Variants in TMEM244 observed in about 807,000 individuals in gnomAD.
TMEM244 encodes transmembrane protein 244.
TMEM244 carries 13 observed loss-of-function variants against 15.8 expected under a neutral mutation model. That is an observed-to-expected ratio of 0.82 (90% CI 0.53 to 1.30). The LOEUF (loss-of-function observed/expected upper bound fraction) is 1.30. TMEM244 is among the 50% of genes most tolerant of loss of function. The pLI is 0.00. For missense variants in TMEM244, 161 were observed against 144.9 expected (o/e 1.11, Z -0.57); for synonymous variants, 45 against 48.7 (o/e 0.92, Z 0.32).
intron 1 of TMEM244, among the ~76,000 whole-genome samples, chr6:129,852,804 C>A (rs1776652782): frequency 6.6e-6 from 1 of 152,160 alleles, no homozygotes; most frequent in Non-Finnish European, 1.5e-5. Flanking sequence ...AGGTAATCTT[C>A]TCCTGACTTC....
chr6:129,831,770 A>G (rs1380404067), intron 4 of TMEM244, among the ~76,000 whole-genome samples: 1 of 152,188 alleles, frequency 6.6e-6, no homozygotes, highest in Non-Finnish European at 1.5e-5. Flanking sequence ...CACATGTTAG[A>G]TCATTAACTC....
intron 1 of TMEM244, among the ~76,000 whole-genome samples, chr6:129,859,144 G>A (rs970337928): frequency 3.3e-5 from 5 of 152,164 alleles, no homozygotes; most frequent in African/African-American, 1.2e-4. Context: ...AGATCCACTG[G>A]AGTTTCTCCC....
At chr6:129,851,478 C>G (rs1776637554) in intron 1 of TMEM244, among the ~76,000 whole-genome samples, 1 of 152,074 alleles carries the variant, frequency 6.6e-6, no homozygotes, top group South Asian at 2.1e-4. Flanking sequence ...CCATGTTGGC[C>G]AGGGTGGTCT....
At chr6:129,858,520 G>T (rs1477954326) in intron 1 of TMEM244, among the ~76,000 whole-genome samples, 1 of 152,010 alleles carries the variant, frequency 6.6e-6, no homozygotes, top group Non-Finnish European at 1.5e-5. Flanking sequence ...CTCACTGCAG[G>T]ACAGAATCAA....
At chr6:129,849,972 C>T (rs1321648085) in intron 1 of TMEM244, among the ~76,000 whole-genome samples, 1 of 152,154 alleles carries the variant, frequency 6.6e-6, no homozygotes, top group East Asian at 1.9e-4. Context: ...TGAGTTAAGG[C>T]ATCGCATCTG....
In TMEM244 at chr6:129,840,333, G is replaced by A. The variant is rs538366617; in HGVS notation, c.193+3197C>T. ...TGACAAAAACAAGAAATGGGGAAAG[G>A]ATTCCCTATTTAATAAATGGTGCTG... On this transcript the variant is annotated intron_variant, in intron 3 of 4. Coordinates refer to ENST00000368143, the MANE Select transcript of TMEM244 (RefSeq NM_001010876.2). Among the ~76,000 whole-genome samples, 4 of 152,282 alleles carry A rather than the reference G, an allele frequency of 2.6e-5. No homozygotes were observed. The South Asian group carries it at 8.3e-4, about 32-fold the overall frequency.
At chr6:129,857,708 T>C (rs114198945) in intron 1 of TMEM244, among the ~76,000 whole-genome samples, 2,689 of 152,154 alleles carry the variant, frequency 0.018, 96 homozygotes, top group African/African-American at 0.062. Context: ...TCTTGCCTTG[T>C]TCTTGGCCTT....
intron 1 of TMEM244, among the ~76,000 whole-genome samples, chr6:129,849,147 T>C (rs1047617019): frequency 6.6e-6 from 1 of 151,966 alleles, no homozygotes; most frequent in African/African-American, 2.4e-5. Flanking sequence ...AAACTTTACA[T>C]AGAGATACAC....
At chr6:129,831,453 GTC>G (rs1460657486) in intron 4 of TMEM244, 67 bp from the exon 5 acceptor site, 5 of 1,091,714 alleles carry the variant, frequency 4.6e-6, no homozygotes, top group Non-Finnish European at 7.0e-6. Flanking sequence ...GAAGAAATAC[GTC>G]TGTTTGGTCA....
chr6:129,861,154 A>T lies in TMEM244; in HGVS notation c.33+2T>A. 1 of 1,613,756 alleles carries T rather than the reference A, an allele frequency of 6.2e-7. No individual in the cohort carries two copies. Among genetic ancestry groups the T allele is most frequent in the Non-Finnish European group, 8.5e-7 (1 of 1,179,726 alleles). ...CAATGCAAAGAAGTAATTTCTCTTTACCTTGCTTGGAGCAACTCTGACCTG... is the reference window on the plus strand; with the variant it reads ...CAATGCAAAGAAGTAATTTCTCTTTTCCTTGCTTGGAGCAACTCTGACCTG... On this transcript the variant is annotated splice_donor_variant, in intron 1 of 4. Coordinates refer to ENST00000368143, the MANE Select transcript of TMEM244 (RefSeq NM_001010876.2). LOFTEE classifies it high-confidence loss of function.
intron 1 of TMEM244, among the ~76,000 whole-genome samples, chr6:129,852,873 G>C (rs937896906): frequency 1.3e-5 from 2 of 151,982 alleles, no homozygotes; most frequent in South Asian, 4.2e-4. Flanking sequence ...CTCTCCCCCA[G>C]CCACCTCCTC....
chr6:129,857,931 G>C (rs188373240), intron 1 of TMEM244, among the ~76,000 whole-genome samples: 49 of 151,606 alleles, frequency 3.2e-4, no homozygotes, highest in African/African-American at 1.0e-3. Context: ...GTTCAGGAAC[G>C]GTTGCCAATT....
intron 4 of TMEM244, among the ~76,000 whole-genome samples, chr6:129,833,245 T>A (rs1776355571): frequency 6.6e-6 from 1 of 152,078 alleles, no homozygotes; most frequent in South Asian, 2.1e-4. Flanking sequence ...TATTTCAAAA[T>A]AAAACGCTTT....
At chr6:129,848,604 G>A (rs1776593961) in intron 1 of TMEM244, among the ~76,000 whole-genome samples, 1 of 152,096 alleles carries the variant, frequency 6.6e-6, no homozygotes, top group African/African-American at 2.4e-5. Flanking sequence ...AAAAAATGTA[G>A]AGGTGTTGCC....
intron 1 of TMEM244, among the ~76,000 whole-genome samples, chr6:129,847,681 A>T (rs1190356896): frequency 6.6e-6 from 1 of 151,854 alleles, no homozygotes; most frequent in Admixed American, 6.6e-5. Context: ...GTCCACCCCT[A>T]GCCCTGCTCA....
intron 4 of TMEM244, among the ~76,000 whole-genome samples, chr6:129,833,154 T>C (rs1395530949): frequency 6.6e-6 from 1 of 152,210 alleles, no homozygotes; most frequent in African/African-American, 2.4e-5. Flanking sequence ...TTATATGAAA[T>C]GCTAACATTA....
intron 3 of TMEM244, among the ~76,000 whole-genome samples, chr6:129,840,135 A>C (rs1273219388): frequency 1.3e-5 from 2 of 152,210 alleles, no homozygotes; most frequent in African/African-American, 2.4e-5. Flanking sequence ...AATCCTAAGC[A>C]AAAAGAACAA....
intron 1 of TMEM244, among the ~76,000 whole-genome samples, chr6:129,852,740 C>A (rs1226513038): frequency 6.6e-6 from 1 of 152,166 alleles, no homozygotes; most frequent in Non-Finnish European, 1.5e-5. Flanking sequence ...GGTTTGCCTG[C>A]AACCAGCGCC....
At chr6:129,840,554 G>T (rs559545502) in intron 3 of TMEM244, among the ~76,000 whole-genome samples, 2 of 152,238 alleles carry the variant, frequency 1.3e-5, no homozygotes, top group South Asian at 4.1e-4. Flanking sequence ...AAAAGCAATG[G>T]CAACAAGAGC....
Sources: allele counts gnomAD v4.1 joint callset (sites outside exome capture counted in the v4.1 genomes callset), GRCh38; gene constraint gnomAD v4.1.1; transcripts MANE v1.5; gene names NCBI Gene and HGNC (gene_info 2026-07-23, HGNC 2026-07-21).